The following PCDHGA2 variants were observed in gnomAD, a reference collection of about 807,000 sequenced individuals.
The protein encoded by PCDHGA2 is protocadherin gamma subfamily A, 2.
PCDHGA2 carries 40 observed loss-of-function variants against 59.2 expected under a neutral mutation model. The ratio of observed to expected loss-of-function variants is 0.68; its 90% CI spans 0.52 to 0.88. PCDHGA2 has a LOEUF of 0.88. PCDHGA2 is among the 40% of genes least tolerant of loss of function. The probability of loss-of-function intolerance (pLI) is 0.00; values close to 1 mark genes in which losing one functional copy is unlikely to be tolerated. For missense variants in PCDHGA2, 1,226 were observed against 1,204.0 expected (o/e 1.02, Z -0.27); for synonymous variants, 560 against 526.0 (o/e 1.06, Z -0.89).
At chr5:141,453,745 A>G (rs1208061874) in intron 1 of PCDHGA2, among the ~76,000 whole-genome samples, 1 of 152,264 alleles carries the variant, frequency 6.6e-6, no homozygotes, top group African/African-American at 2.4e-5. Context: ...CTTAAATAAC[A>G]TAAGTCTCCT....
intron 1 of PCDHGA2, chr5:141,345,505 T>G: frequency 6.2e-7 from 1 of 1,614,130 alleles, no homozygotes; most frequent in Non-Finnish European, 8.5e-7. Flanking sequence ...ACTTATGCAT[T>G]GACCGAGGAC....
rs1756775767 is a variant in PCDHGA2, at chr5:141,338,770, T to C, written c.-202T>C. On this transcript the variant is annotated 5_prime_UTR_variant, in exon 1 of 4. Coordinates refer to ENST00000394576, the MANE Select transcript of PCDHGA2 (RefSeq NM_018915.4). ...GGCAGCGAGACATCCAATCCAGCAA[T>C]ACGGCTCCCACAGCACAAGGGGGTG... is the stretch of plus-strand genomic sequence containing the variant. 1 of 1,279,032 alleles carries C rather than the reference T, an allele frequency of 7.8e-7. No individual in the cohort carries two copies. Among genetic ancestry groups the C allele is most frequent in the South Asian group, 3.0e-5 (1 of 33,432 alleles). 79.2% of individuals were successfully genotyped at this position (1,279,032 alleles called of 1,614,324 possible).
At chr5:141,464,278 G>GAAAA (rs2099080310) in intron 1 of PCDHGA2, among the ~76,000 whole-genome samples, 1 of 121,594 alleles carries the variant, frequency 8.2e-6, no homozygotes. Context: ...AAAAAAAAAA[G>GAAAA]CAAAAAAAAA....
At chr5:141,356,230 G>C (rs551700676) in intron 1 of PCDHGA2, 17 of 1,592,426 alleles carry the variant, frequency 1.1e-5, no homozygotes, top group Non-Finnish European at 1.5e-5. Flanking sequence ...AAATGACAAC[G>C]CACCAGAAGT....
intron 1 of PCDHGA2, among the ~76,000 whole-genome samples, chr5:141,470,600 G>A (rs890975756): frequency 4.6e-5 from 7 of 152,142 alleles, no homozygotes; most frequent in South Asian, 2.1e-4. Context: ...CGACCTGTGC[G>A]GGGACACAGG....
At chr5:141,483,487 A>G (rs777951096) in intron 1 of PCDHGA2, among the ~76,000 whole-genome samples, 4 of 152,006 alleles carry the variant, frequency 2.6e-5, no homozygotes, top group Non-Finnish European at 5.9e-5. Context: ...AGTGAGGGAC[A>G]GGGATGAGTC....
At chr5:141,394,256 C>G in intron 1 of PCDHGA2, 1 of 1,613,942 alleles carries the variant, frequency 6.2e-7, no homozygotes, top group Non-Finnish European at 8.5e-7. Flanking sequence ...ACCCCGACAG[C>G]CAGGAGAATG....
intron 1 of PCDHGA2, chr5:141,359,980 T>G: frequency 1.2e-6 from 1 of 851,316 alleles, no homozygotes; most frequent in Non-Finnish European, 1.7e-6. Flanking sequence ...GGGAGCCTCT[T>G]AGAGGGGAAC....
rs760153018 is a variant in PCDHGA2, at chr5:141,344,534, G to A, written c.2424+3139G>A. ...ACCCAGATGTAGGCATTAACTCCCT[G>A]CAGAACTACAAGCTTAGCCCCAATG... On this transcript the variant is annotated intron_variant, in intron 1 of 3. Transcript: ENST00000394576. The A allele has an allele frequency of 2.5e-5, 40 of 1,613,862 alleles. No individual in the cohort carries two copies. The Middle Eastern group carries it at 4.9e-4, about 20-fold the overall frequency.
In PCDHGA2 at chr5:141,374,228, G is replaced by A. The variant is rs776875063; in HGVS notation, c.2424+32833G>A. On this transcript the variant is annotated intron_variant, in intron 1 of 3. Coordinates refer to ENST00000394576, the MANE Select transcript of PCDHGA2 (RefSeq NM_018915.4). ...GAAAGGCTCCTTCGTAGGCAACATC[G>A]TCAAGGATCTGGGACTGGAGCCCCA... The A allele has an allele frequency of 3.1e-6, 5 of 1,613,988 alleles. No homozygotes were observed. In the South Asian group the frequency reaches 3.3e-5, roughly 11 times the overall value.
rs1374190670 is a variant in PCDHGA2 at position 141,487,196 on chromosome 5, G to C, written c.2425-7611G>C. ...GGAAGACACTCATCCAGTTGTCCCAGATCTTCGAGAATCTTCAGCTCCAAG... is the reference window on the plus strand; with the variant it reads ...GGAAGACACTCATCCAGTTGTCCCACATCTTCGAGAATCTTCAGCTCCAAG... On this transcript the variant is annotated intron_variant, in intron 1 of 3. Coordinates refer to ENST00000394576, the MANE Select transcript of PCDHGA2 (RefSeq NM_018915.4). The surrounding 1 kb of genome is among the most constrained non-coding windows in gnomAD (Gnocchi z 5.0). 6.2e-7 allele frequency: 1 copy of C among 1,613,878 alleles called. No homozygotes were observed. Among genetic ancestry groups the C allele is most frequent in the Admixed American group, 1.7e-5 (1 of 60,030 alleles).
intron 1 of PCDHGA2, chr5:141,351,811 C>T (rs962928273): frequency 3.7e-6 from 6 of 1,613,306 alleles, no homozygotes; most frequent in Admixed American, 1.7e-5. Flanking sequence ...GCGCCTTCGA[C>T]CACGAGCAGC....
At chr5:141,343,811 C>A (rs1372805617) in intron 1 of PCDHGA2, 16 of 467,936 alleles carry the variant, frequency 3.4e-5, no homozygotes, top group Non-Finnish European at 3.7e-6. Flanking sequence ...AAGGAGAACG[C>A]AGCTGGAGAA....
At chr5:141,422,333 T>C in intron 1 of PCDHGA2, 1 of 1,549,594 alleles carries the variant, frequency 6.5e-7, no homozygotes, top group Non-Finnish European at 8.7e-7. Flanking sequence ...GTGATTGCTC[T>C]TCTAAATGTG....
intron 1 of PCDHGA2, chr5:141,414,940 G>C: frequency 7.4e-6 from 12 of 1,614,104 alleles, no homozygotes; most frequent in Non-Finnish European, 9.3e-6. Context: ...CGCAGAGCCC[G>C]GCTACCTGGT....
At chr5:141,428,552 T>TC in intron 1 of PCDHGA2, 2 of 244,422 alleles carry the variant, frequency 8.2e-6, no homozygotes, top group African/African-American at 2.2e-5. Context: ...CCAGAAACAG[T>TC]CCCCCCACAA....
chr5:141,417,980 C>A lies in PCDHGA2; in HGVS notation c.2424+76585C>A, dbSNP rs905203424. On this transcript the variant is annotated intron_variant, in intron 1 of 3. Transcript: ENST00000394576. ...GATCCGCTACTCGATTCCGGAGGAG[C>A]TGGCCAAGGGCTCGGTGGTGGGGAA... is the stretch of plus-strand genomic sequence containing the variant. 4.3e-6 allele frequency: 7 copies of A among 1,613,856 alleles called. No homozygotes were observed. The Admixed American group carries it at 1.0e-4, about 23-fold the overall frequency.
chr5:141,399,260 T>A (rs2093776436), intron 1 of PCDHGA2: 1 of 1,613,614 alleles, frequency 6.2e-7, no homozygotes, highest in South Asian at 1.1e-5. Context: ...AATGGGGAGG[T>A]TAATTGTCAA....
In PCDHGA2 at chr5:141,489,406, A is replaced by T; in HGVS notation, c.2425-5401A>T. 6.2e-7 allele frequency: 1 copy of T among 1,614,166 alleles called. No individual in the cohort carries two copies. Among genetic ancestry groups the T allele is most frequent in the Non-Finnish European group, 8.5e-7 (1 of 1,180,028 alleles). Reference sequence around the variant, plus strand: ...TGTTGCTCAGGATCTGGGCTTAAAGATGACAGATCTGTTGAGCCGGCGGCT... The same window carrying T: ...TGTTGCTCAGGATCTGGGCTTAAAGTTGACAGATCTGTTGAGCCGGCGGCT... On this transcript the variant is annotated intron_variant, in intron 1 of 3. Coordinates refer to ENST00000394576, the MANE Select transcript of PCDHGA2 (RefSeq NM_018915.4). This position sits in a 1 kb window ranked among gnomAD's most constrained non-coding sequence, Gnocchi z 4.5.
Sources: allele counts gnomAD v4.1 joint callset (sites outside exome capture counted in the v4.1 genomes callset), GRCh38; gene constraint gnomAD v4.1.1; non-coding constraint Gnocchi (gnomAD v3.1); transcripts MANE v1.5; gene names NCBI Gene and HGNC (gene_info 2026-07-23, HGNC 2026-07-21).